The following FRY variants were observed in gnomAD, a reference collection of about 807,000 sequenced individuals.
FRY encodes protein furry homolog.
FRY carries 128 observed loss-of-function variants against 348.4 expected under a neutral mutation model. The observed-to-expected ratio is 0.37, with a 90% CI of 0.32 to 0.43. The LOEUF is 0.43. FRY is among the 20% of genes least tolerant of loss of function. The pLI is 1.00. For missense variants in FRY, 2,736 were observed against 3,695.2 expected, an observed-to-expected ratio of 0.74 and a Z score of 6.73; for synonymous variants, 1,370 against 1,374.7, an observed-to-expected ratio of 1.00 and a Z score of 0.08.
intron 49 of FRY, 23 bp from the exon 50 acceptor site, chr13:32,251,855 C>T (rs780851335): frequency 6.4e-6 from 10 of 1,569,964 alleles, no homozygotes; most frequent in Non-Finnish European, 8.8e-6. Context: ...CATAATGAAA[C>T]CTGCCTTGTG....
At chr13:32,289,510 G>T in intron 58 of FRY, 123 bp from the exon 59 acceptor site, 9 of 672,952 alleles carry the variant, frequency 1.3e-5, no homozygotes, top group South Asian at 3.2e-5. Context: ...GTTTTATTTG[G>T]AATAACAGCT....
intron 59 of FRY, among the ~76,000 whole-genome samples, chr13:32,290,388 G>A (rs1244934506): frequency 6.6e-6 from 1 of 152,106 alleles, no homozygotes; most frequent in East Asian, 1.9e-4. Flanking sequence ...TGAAACTGAA[G>A]AGCTTGCTGG....
chr13:32,033,672 A>T (rs1872358921), intron 1 of FRY, among the ~76,000 whole-genome samples: 1 of 152,210 alleles, frequency 6.6e-6, no homozygotes, highest in Admixed American at 6.5e-5. Context: ...TTGAATACCT[A>T]CTATGTGCCA....
chr13:32,227,333 T>G (rs1182909088), intron 39 of FRY, among the ~76,000 whole-genome samples: 1 of 152,228 alleles, frequency 6.6e-6, no homozygotes, highest in African/African-American at 2.4e-5. Flanking sequence ...TGTCTTGACT[T>G]TATTATAATA....
intron 54 of FRY, 53 bp from the exon 55 acceptor site, chr13:32,267,117 T>C: frequency 6.7e-7 from 1 of 1,495,464 alleles, no homozygotes. Flanking sequence ...TAAAACCCAG[T>C]ATAGGATGAG....
rs532121203 is a variant in FRY, at chr13:32,121,434, C to A, written c.465-2852C>A. On this transcript the variant is annotated intron_variant, in intron 4 of 60. Transcript: ENST00000542859. ...TTCACTGCATCCACGCCAACATCTACGGGTTTTTTTGTTTTTTGTTTTTTG... is the reference window on the plus strand; with the variant it reads ...TTCACTGCATCCACGCCAACATCTAAGGGTTTTTTTGTTTTTTGTTTTTTG... Among the ~76,000 whole-genome samples, 4 of 152,220 alleles carry A rather than the reference C, an allele frequency of 2.6e-5. No individual in the cohort carries two copies. In the South Asian group the frequency reaches 8.3e-4, roughly 32 times the overall value.
At chr13:32,207,053 G>C (rs1454903756) in intron 31 of FRY, among the ~76,000 whole-genome samples, 2 of 152,038 alleles carry the variant, frequency 1.3e-5, no homozygotes, top group Admixed American at 1.3e-4. Context: ...GAGCTACCTG[G>C]GTGCTTGGGA....
At position 32,059,598 on chromosome 13, in the gene FRY, A is replaced by G. The variant is rs115611023; in HGVS notation, c.71-19236A>G. On this transcript the variant is annotated intron_variant, in intron 1 of 60. Transcript: ENST00000542859. ...ACGTGCCGTTGTGTTACATGGTGAT[A>G]TTGTGTAGTAATGGTGTGGGCTTCC... is the stretch of plus-strand genomic sequence containing the variant. 4.1e-3 allele frequency among the ~76,000 whole-genome samples: 625 copies of G among 150,910 alleles called. 8 individuals are homozygous for G. The highest frequency in any genetic ancestry group is 0.015 in the African/African-American group (597 of 41,064).
At chr13:32,211,165 G>A in intron 34 of FRY, 131 bp downstream of exon 34, 2 of 861,610 alleles carry the variant, frequency 2.3e-6, no homozygotes, top group South Asian at 1.4e-5. Flanking sequence ...GTTAAGAGAT[G>A]GCTTAAGAAT....
chr13:32,113,555 G>A (rs1878107856), intron 3 of FRY, among the ~76,000 whole-genome samples: 1 of 152,220 alleles, frequency 6.6e-6, no homozygotes, highest in African/African-American at 2.4e-5. Context: ...ATAGTCCTGT[G>A]ATTCTGTGCA....
chr13:32,051,930 A>G (rs551292985), intron 1 of FRY, among the ~76,000 whole-genome samples: 1 of 152,340 alleles, frequency 6.6e-6, no homozygotes, highest in South Asian at 2.1e-4. Flanking sequence ...AAGATGTTTA[A>G]AAATTTTTTC....
At chr13:32,274,596 C>T (rs959919036) in intron 55 of FRY, among the ~76,000 whole-genome samples, 12 of 147,426 alleles carry the variant, frequency 8.1e-5, no homozygotes, top group East Asian at 6.2e-4. Context: ...CCCAGCTACT[C>T]GGGAGGCTGA....
chr13:32,133,787 T>TTTTTTTTTTTTTTC (rs1879528346), intron 8 of FRY, among the ~76,000 whole-genome samples: 1 of 144,770 alleles, frequency 6.9e-6, no homozygotes, highest in African/African-American at 2.6e-5. Flanking sequence ...TTTTTTTTTT[T>TTTTTTTTTTTTTTC]TTTGAATTTG....
rs139054329 is a variant in FRY at position 32,121,027 on chromosome 13, G to C, written c.465-3259G>C. On this transcript the variant is annotated intron_variant, in intron 4 of 60. Coordinates refer to ENST00000542859, the MANE Select transcript of FRY (RefSeq NM_023037.3). ...CTCCCACATATCAATAGAATGTTTG[G>C]TTTTCCATTCCTGAGTTACTTAACT... Among the ~76,000 whole-genome samples, 523 of 152,256 alleles carry C rather than the reference G, an allele frequency of 3.4e-3. 1 individual carries two copies. The highest frequency in any genetic ancestry group is 5.8e-3 in the Non-Finnish European group (392 of 68,016).
intron 36 of FRY, among the ~76,000 whole-genome samples, chr13:32,219,087 A>G (rs909495168): frequency 1.5e-5 from 2 of 133,798 alleles, no homozygotes; most frequent in African/African-American, 6.0e-5. Context: ...ATACATATAT[A>G]TATACTTTTT....
intron 1 of FRY, among the ~76,000 whole-genome samples, chr13:32,065,060 T>C (rs1874171382): frequency 6.6e-6 from 1 of 152,226 alleles, no homozygotes; most frequent in South Asian, 2.1e-4. Context: ...TTCAATTCTT[T>C]AATATAGTAA....
At chr13:32,263,099 G>GA (rs535267928) in intron 53 of FRY, among the ~76,000 whole-genome samples, 270 of 152,262 alleles carry the variant, frequency 1.8e-3, no homozygotes, top group African/African-American at 6.3e-3. Context: ...AAAATGTCCT[G>GA]AAAACCATCC....
chr13:32,038,376 G>A (rs1196674257), intron 1 of FRY: 5 of 152,124 alleles, frequency 3.3e-5, no homozygotes, highest in Non-Finnish European at 7.4e-5. Context: ...TTGTACCCTA[G>A]AATTTCTCTT....
In FRY at chr13:32,186,242, G is replaced by T; in HGVS notation, c.3320-18G>T. 1 of 1,595,428 alleles carries T rather than the reference G, an allele frequency of 6.3e-7. No homozygotes were observed. Among genetic ancestry groups the T allele is most frequent in the Non-Finnish European group, 8.6e-7 (1 of 1,162,946 alleles). On this transcript the variant is annotated intron_variant, in intron 26 of 60. Coordinates refer to ENST00000542859, the MANE Select transcript of FRY (RefSeq NM_023037.3). Reference sequence around the variant, plus strand: ...GTATGTCCAGTCTTATAACCTCTAAGTGTGTTTTTCTCCCTAGTTCACCAC... The same window carrying T: ...GTATGTCCAGTCTTATAACCTCTAATTGTGTTTTTCTCCCTAGTTCACCAC...
Sources: gnomAD v4.1 joint callset for allele counts (sites outside exome capture counted in the v4.1 genomes callset) on GRCh38, gnomAD v4.1.1 for gene constraint, MANE v1.5 for transcripts, NCBI Gene and HGNC (gene_info 2026-07-23, HGNC 2026-07-21) for gene names.